ARPC2: variants seen among roughly 807,000 people sequenced by gnomAD.
ARPC2 encodes the protein actin-related protein 2/3 complex subunit 2.
ARPC2 carries 4 observed loss-of-function variants against 38.6 expected under a neutral mutation model. The ratio of observed to expected loss-of-function variants is 0.10; its 90% CI spans 0.05 to 0.24. The LOEUF (loss-of-function observed/expected upper bound fraction) is 0.24, where lower values mean the gene tolerates loss of function less well. ARPC2 is among the 10% of genes least tolerant of loss of function. The pLI, the probability that ARPC2 is intolerant of heterozygous loss-of-function variation, is 1.00. For missense variants in ARPC2, 229 were observed against 387.3 expected (o/e 0.59, Z 3.43); for synonymous variants, 125 against 140.8 (o/e 0.89, Z 0.79).
chr2:218,234,278 G>A (rs886501968), intron 4 of ARPC2, 74 bp from the exon 5 acceptor site: 30 of 1,220,736 alleles, frequency 2.5e-5, no homozygotes, highest in Non-Finnish European at 3.3e-5. Context: ...GGCAAGTGCA[G>A]TACTTTAAAA....
intron 2 of ARPC2, among the ~76,000 whole-genome samples, chr2:218,224,455 T>C (rs903931004): frequency 1.3e-5 from 2 of 152,336 alleles, no homozygotes; most frequent in South Asian, 4.1e-4. Flanking sequence ...CCTCTTAATA[T>C]TTCATTCAGT....
chr2:218,220,250 C>T (rs1050778392), intron 2 of ARPC2, among the ~76,000 whole-genome samples: 4 of 152,164 alleles, frequency 2.6e-5, no homozygotes, highest in African/African-American at 9.7e-5. Context: ...CTACTTTTTG[C>T]ACTTCTCAGA....
At chr2:218,239,512 C>G in intron 7 of ARPC2, 28 bp downstream of exon 7, 1 of 1,559,704 alleles carries the variant, frequency 6.4e-7, no homozygotes, top group Non-Finnish European at 8.8e-7. Flanking sequence ...TGGGGGAAAC[C>G]CATGCATGGC....
intron 2 of ARPC2, among the ~76,000 whole-genome samples, chr2:218,225,185 G>T (rs972865315): frequency 4.6e-5 from 7 of 152,202 alleles, no homozygotes; most frequent in African/African-American, 1.7e-4. Flanking sequence ...GAATGCAAAG[G>T]TGTAAGGGTA....
At chr2:218,245,706 C>T (rs138456224) in intron 8 of ARPC2, among the ~76,000 whole-genome samples, 160 bp downstream of exon 8, 1 of 152,326 alleles carries the variant, frequency 6.6e-6, no homozygotes, top group African/African-American at 2.4e-5. Context: ...AGGGATGTCA[C>T]AGGGTATTAA....
chr2:218,217,970 T>G (rs1466426819), intron 2 of ARPC2, among the ~76,000 whole-genome samples: 2 of 152,160 alleles, frequency 1.3e-5, no homozygotes, highest in African/African-American at 2.4e-5. Context: ...TTCCCAGGAC[T>G]GGAGGAGGGA....
Position 218,238,582 on chromosome 2 carries a change from G to A in ARPC2, c.269-82G>A, listed in dbSNP as rs1689830242. 3 of 1,054,336 alleles carry A rather than the reference G, an allele frequency of 2.8e-6. No individual in the cohort carries two copies. In the South Asian group the frequency reaches 4.7e-5, roughly 17 times the overall value. 65.3% of individuals were successfully genotyped at this position (1,054,336 alleles called of 1,614,324 possible). On this transcript the variant is annotated intron_variant, in intron 5 of 10. Transcript: ENST00000315717. ...AGTCTCTGTTTACTTGGTATAGATA[G>A]TATGCTGCTTTTTTTTTTTTTTTTT...
In ARPC2 at chr2:218,225,756, G is replaced by C. The variant is rs746231289; in HGVS notation, c.75-164G>C. ...TCCTCTACTTAAAGCAAGTCCAAAG[G>C]TTCAGGTCCATGAGAAAATGAATTG... On this transcript the variant is annotated intron_variant, in intron 2 of 10. Coordinates refer to ENST00000315717, the MANE Select transcript of ARPC2 (RefSeq NM_152862.3). 6.2e-4 allele frequency among the ~76,000 whole-genome samples: 94 copies of C among 152,144 alleles called. 1 individual carries two copies. The highest frequency in any genetic ancestry group is 8.2e-4 in the Non-Finnish European group (56 of 68,044).
intron 4 of ARPC2, among the ~76,000 whole-genome samples, chr2:218,232,578 G>A (rs1409893632): frequency 7.3e-6 from 1 of 137,012 alleles, no homozygotes; most frequent in African/African-American, 2.8e-5. Flanking sequence ...TTTTGAGACG[G>A]AGTCTTGCTC....
At chr2:218,243,982 T>C (rs1689973097) in intron 7 of ARPC2, among the ~76,000 whole-genome samples, 1 of 152,232 alleles carries the variant, frequency 6.6e-6, no homozygotes, top group African/African-American at 2.4e-5. Flanking sequence ...CAGTTACGTA[T>C]CTGTTCTGTT....
At chr2:218,238,927 T>C in intron 6 of ARPC2, 77 bp downstream of exon 6, 1 of 1,204,810 alleles carries the variant, frequency 8.3e-7, no homozygotes. Flanking sequence ...AAATATGGCT[T>C]GGTCAAACTT....
intron 10 of ARPC2, among the ~76,000 whole-genome samples, chr2:218,251,768 T>C (rs963009748): frequency 3.3e-5 from 5 of 152,176 alleles, no homozygotes; most frequent in Admixed American, 2.0e-4. Flanking sequence ...CTCAGTACTC[T>C]TGAGGCAAAG....
chr2:218,245,577 C>T (rs201598683), intron 8 of ARPC2, 31 bp downstream of exon 8: 15 of 1,612,760 alleles, frequency 9.3e-6, no homozygotes, highest in East Asian at 2.2e-5. Flanking sequence ...GCTTTTGTGC[C>T]GCTTTAATGA....
chr2:218,251,045 A>G (rs1432101020), intron 10 of ARPC2, among the ~76,000 whole-genome samples: 1 of 151,958 alleles, frequency 6.6e-6, no homozygotes, highest in African/African-American at 2.4e-5. Context: ...CATGTTGCCC[A>G]GGCTGGTCTA....
intron 8 of ARPC2, among the ~76,000 whole-genome samples, chr2:218,246,911 G>A (rs1015152128): frequency 6.6e-6 from 1 of 152,156 alleles, no homozygotes; most frequent in Non-Finnish European, 1.5e-5. Context: ...CCAGAAAGTG[G>A]AGGTTGCAGC....
chr2:218,241,478 CAG>C (rs1689915366), intron 7 of ARPC2, among the ~76,000 whole-genome samples: 1 of 152,148 alleles, frequency 6.6e-6, no homozygotes, highest in Admixed American at 6.5e-5. Context: ...GCAGAATTGA[CAG>C]GGGAATTAAA....
intron 5 of ARPC2, chr2:218,234,969 C>A: frequency 2.3e-6 from 1 of 429,414 alleles, no homozygotes; most frequent in Non-Finnish European, 4.7e-6. Flanking sequence ...AAAAACTGAA[C>A]AGCCTTTTTA....
At chr2:218,249,024 C>T (rs1335877379) in intron 8 of ARPC2, among the ~76,000 whole-genome samples, 1 of 152,210 alleles carries the variant, frequency 6.6e-6, no homozygotes, top group Non-Finnish European at 1.5e-5. Flanking sequence ...TAGTGTGATC[C>T]TGGAGTGTGT....
At chr2:218,223,249 C>T (rs1335448915) in intron 2 of ARPC2, among the ~76,000 whole-genome samples, 3 of 152,204 alleles carry the variant, frequency 2.0e-5, no homozygotes, top group Non-Finnish European at 2.9e-5. Context: ...TGCGCTGTCC[C>T]GCCCAGGACA....
Sources: allele counts gnomAD v4.1 joint callset (sites outside exome capture counted in the v4.1 genomes callset), GRCh38; gene constraint gnomAD v4.1.1; transcripts MANE v1.5; gene names NCBI Gene and HGNC (gene_info 2026-07-23, HGNC 2026-07-21).